PLCB3: variants seen among roughly 807,000 people sequenced by gnomAD.
The protein encoded by PLCB3 is 1-phosphatidylinositol 4,5-bisphosphate phosphodiesterase beta-3.
PLCB3 carries 54 observed loss-of-function variants against 152.1 expected under a neutral mutation model. That is an observed-to-expected ratio of 0.36 (90% CI 0.29 to 0.45). The LOEUF is 0.45. Among genes scored for constraint, PLCB3 ranks in the 20% least tolerant of loss-of-function variants. The pLI is 1.00. For synonymous variants in PLCB3, 717 were observed against 698.7 expected, an observed-to-expected ratio of 1.03 and a Z score of -0.41; for missense variants, 1,248 against 1,687.5, an observed-to-expected ratio of 0.74 and a Z score of 4.56.
At position 64,251,623 on chromosome 11, in the gene PLCB3, G is replaced by A; in HGVS notation, c.-27G>A. ...CGTCGGTCCCCGTCAGGGCTCCGTG[G>A]GTCCCCGACCCGCCCCTGGCCGGGC... On this transcript the variant is annotated 5_prime_UTR_variant, in exon 1 of 31. Transcript: ENST00000279230. 2 of 1,322,854 alleles carry A rather than the reference G, an allele frequency of 1.5e-6. No homozygotes were observed. Among genetic ancestry groups the A allele is most frequent in the South Asian group, 1.6e-5 (1 of 62,544 alleles). The allele number at this position is 1,322,854 out of a possible 1,614,324, so 81.9% of individuals were successfully genotyped here. A position where few individuals can be genotyped will look rare whatever the true frequency, so the allele number is the denominator to read the frequency against.
intron 13 of PLCB3, 100 bp from the exon 14 acceptor site, chr11:64,259,929 C>T (rs1034277129): frequency 6.6e-5 from 64 of 963,484 alleles, no homozygotes; most frequent in Admixed American, 1.2e-4. Context: ...CCTTGAATTC[C>T]CCACTGAGTC....
At chr11:64,256,997 C>CTTTT (rs5792316) in intron 10 of PLCB3, among the ~76,000 whole-genome samples, 74 of 61,548 alleles carry the variant, frequency 1.2e-3, no homozygotes, top group East Asian at 2.6e-3. Context: ...CTTCAGGGTC[C>CTTTT]TTTTTTTTTT....
chr11:64,259,230 C>G lies in PLCB3; in HGVS notation c.1511C>G (p.Ser504Cys), dbSNP rs1301978846. 1.3e-6 allele frequency: 2 copies of G among 1,543,558 alleles called. No homozygotes were observed. The change falls in exon 13 of 31, where the codon TCC becomes TGC. Residue 504 changes from serine (S) to cysteine (C), a missense_variant. Around this residue, in one of 6 missense-constraint regions of PLCB3, gnomAD observed 105 missense variants for 100.9 expected, o/e 1.04. Transcript: ENST00000279230. ...LSESSAATEP[S>C]SPQLGSPSSD... ...GAGAGCTCCGCGGCCACCGAGCCCTCCTCCCCGCAGCTGGGTAGGCCCCAG... is the reference window on the plus strand; with the variant it reads ...GAGAGCTCCGCGGCCACCGAGCCCTGCTCCCCGCAGCTGGGTAGGCCCCAG...
rs148059922 is a variant in PLCB3 at position 64,265,919 on chromosome 11, G to T, written c.3069G>T (p.Glu1023Asp). The change falls in exon 26 of 31, where the codon GAG (glutamate) becomes GAT (aspartate). Residue 1023 changes from glutamate to aspartate, a missense_variant. Physicochemically the swap from Glu to Asp is conservative, Grantham distance 45. Transcript: ENST00000279230. ...GGAADVEDTK[E>D]GEDEAKRYQE... Reference sequence around the variant, plus strand: ...CCGCTGATGTGGAGGACACGAAGGAGGGGGAGGACGAGGCAAAGCGGTATC... The same window carrying T: ...CCGCTGATGTGGAGGACACGAAGGATGGGGAGGACGAGGCAAAGCGGTATC... 1 of 1,613,428 alleles carries T rather than the reference G, an allele frequency of 6.2e-7. No homozygotes were observed. Among genetic ancestry groups the T allele is most frequent in the East Asian group, 2.2e-5 (1 of 44,870 alleles).
At position 64,267,502 on chromosome 11, in the gene PLCB3, C is replaced by G; in HGVS notation, c.3651C>G (p.Ser1217Arg). Residue 1217 changes from serine to arginine, a missense_variant, in exon 31 of 31, where the codon AGC becomes AGG. Physicochemically the swap from Ser to Arg is moderately radical, Grantham distance 110. Coordinates refer to ENST00000279230, the MANE Select transcript of PLCB3 (RefSeq NM_000932.5). This position sits in a 1 kb window ranked among gnomAD's most constrained non-coding sequence, Gnocchi z 5.2. ...GCAACGGTCACGCACCCGGGAGCAG[C>G]GGGCACCTGTCGGGCGCTGACTCGG... The part of the protein sequence containing the change: ...CASNGHAPGS[S>R]GHLSGADSES... The G allele has an allele frequency of 6.4e-7, 1 of 1,570,292 alleles. No homozygotes were observed. Among genetic ancestry groups the G allele is most frequent in the Non-Finnish European group, 8.6e-7 (1 of 1,162,198 alleles).
At chr11:64,257,038 C>G (rs905976897) in intron 10 of PLCB3, among the ~76,000 whole-genome samples, 3 of 89,618 alleles carry the variant, frequency 3.3e-5, no homozygotes, top group African/African-American at 1.2e-4. Flanking sequence ...GAGTTTCGCT[C>G]TTGTTGCCCA....
At chr11:64,259,942 C>T (rs764252696) in intron 13 of PLCB3, 87 bp from the exon 14 acceptor site, 55 of 1,128,354 alleles carry the variant, frequency 4.9e-5, no homozygotes, top group Non-Finnish European at 6.8e-5. Context: ...ACTGAGTCAC[C>T]TCGGCACACA....
downstream of PLCB3, among the ~76,000 whole-genome samples, chr11:64,269,401 C>G (rs1223103264): frequency 6.6e-6 from 1 of 152,252 alleles, no homozygotes; most frequent in Non-Finnish European, 1.5e-5. Context: ...GGAACGGAGC[C>G]CCCGCTCTGT....
Position 64,255,063 on chromosome 11 carries a change from G to A in PLCB3, c.387+25G>A. 6.4e-7 allele frequency: 1 copy of A among 1,574,452 alleles called. No homozygotes were observed. Among genetic ancestry groups the A allele is most frequent in the Non-Finnish European group, 8.6e-7 (1 of 1,157,090 alleles). On this transcript the variant is annotated intron_variant, in intron 4 of 30. Coordinates refer to ENST00000279230, the MANE Select transcript of PLCB3 (RefSeq NM_000932.5). This position sits in a 1 kb window ranked among gnomAD's most constrained non-coding sequence, Gnocchi z 6.8. Reference sequence around the variant, plus strand: ...GGTGGGCTGGCACCAAGGGGACGAAGGGGGAGTCACTGTCTTATTCTGTGA... The same window carrying A: ...GGTGGGCTGGCACCAAGGGGACGAAAGGGGAGTCACTGTCTTATTCTGTGA...
intron 13 of PLCB3, 84 bp from the exon 14 acceptor site, chr11:64,259,945 G>A (rs1035233283): frequency 4.9e-5 from 57 of 1,151,748 alleles, no homozygotes; most frequent in Admixed American, 1.1e-4. Flanking sequence ...GAGTCACCTC[G>A]GCACACACTG....
Position 64,267,290 on chromosome 11 carries a change from AG to A in PLCB3, c.3501+21del. On this transcript the variant is annotated intron_variant, in intron 30 of 30. Coordinates refer to ENST00000279230, the MANE Select transcript of PLCB3 (RefSeq NM_000932.5). This position sits in a 1 kb window ranked among gnomAD's most constrained non-coding sequence, Gnocchi z 5.2. Reference sequence around the variant, plus strand: ...GCCCAAGGTGAGGCCATGGGCGAACAGGTGGGCAGACGGGGTGCAAGGCAGC... The same window carrying A: ...GCCCAAGGTGAGGCCATGGGCGAACAGTGGGCAGACGGGGTGCAAGGCAGC... The A allele has an allele frequency of 1.9e-6, 3 of 1,550,844 alleles. No individual in the cohort carries two copies. The highest frequency in any genetic ancestry group is 1.7e-6 in the Non-Finnish European group (2 of 1,146,816).
At chr11:64,263,059 G>A (rs561049138) in intron 19 of PLCB3, among the ~76,000 whole-genome samples, 1 of 152,336 alleles carries the variant, frequency 6.6e-6, no homozygotes, top group South Asian at 2.1e-4. Context: ...TCCCCTGCGA[G>A]GAGTGGACAC....
At chr11:64,256,834 G>A in intron 10 of PLCB3, 70 bp downstream of exon 10, 2 of 1,524,606 alleles carry the variant, frequency 1.3e-6, no homozygotes, top group Non-Finnish European at 1.8e-6. Flanking sequence ...ACTCCTCCTG[G>A]GGCACAGTCC....
chr11:64,256,435 A>G lies in PLCB3; in HGVS notation c.758A>G (p.Lys253Arg), dbSNP rs755565949. 6.6e-5 allele frequency: 106 copies of G among 1,613,624 alleles called. No homozygotes were observed. Among genetic ancestry groups the G allele is most frequent in the Non-Finnish European group, 8.8e-5 (104 of 1,180,008 alleles). ...CAGCTCATGGACTTCATCAACCAGA[A>G]GCAACGCGACCCGAGACTCAACGAA... Reference protein sequence around the residue: ...LEQLMDFINQKQRDPRLNEVL... With the variant: ...LEQLMDFINQRQRDPRLNEVL... The change falls in exon 9 of 31, where the codon AAG becomes AGG. Residue 253 changes from lysine (K) to arginine (R), a missense_variant. By Grantham distance (26) the Lys-to-Arg change is conservative. Coordinates refer to ENST00000279230, the MANE Select transcript of PLCB3 (RefSeq NM_000932.5).
In PLCB3 at chr11:64,256,633, A is replaced by AAT; in HGVS notation, c.881_882insAT (p.Gly295TrpfsTer22). Reference sequence around the variant, plus strand: ...CCCACCCCAGACCAGATGTCCATGGAGGGCTTTAGCCGCTACCTGGGAGGC... The same window carrying AAT: ...CCCACCCCAGACCAGATGTCCATGGAATGGGCTTTAGCCGCTACCTGGGAGGC... On this transcript the variant is annotated frameshift_variant, in exon 10 of 31. Transcript: ENST00000279230. LOFTEE classifies it high-confidence loss of function. The AAT allele has an allele frequency of 6.2e-7, 1 of 1,614,106 alleles. No individual in the cohort carries two copies. The highest frequency in any genetic ancestry group is 8.5e-7 in the Non-Finnish European group (1 of 1,180,000).
rs568976556 is a variant in PLCB3 at position 64,255,114 on chromosome 11, G to C, written c.387+76G>C. On this transcript the variant is annotated intron_variant, in intron 4 of 30. Coordinates refer to ENST00000279230, the MANE Select transcript of PLCB3 (RefSeq NM_000932.5). The surrounding 1 kb of genome is among the most constrained non-coding windows in gnomAD (Gnocchi z 6.8). Reference sequence around the variant, plus strand: ...GTCGGCCGTCACTTACCGAACACCTGCTGTGTTCTAGGCTGCTCTGTGACC... The same window carrying C: ...GTCGGCCGTCACTTACCGAACACCTCCTGTGTTCTAGGCTGCTCTGTGACC... 2 of 1,536,382 alleles carry C rather than the reference G, an allele frequency of 1.3e-6. No homozygotes were observed. The highest frequency in any genetic ancestry group is 1.8e-6 in the Non-Finnish European group (2 of 1,112,660).
rs769667107 is a variant in PLCB3 at position 64,251,666 on chromosome 11, C to T, written c.17C>T (p.Pro6Leu). The change falls in exon 1 of 31, where the codon CCC (proline) becomes CTC (leucine). Residue 6 changes from proline to leucine, a missense_variant. Physicochemically the swap from Pro to Leu is moderately conservative, Grantham distance 98. Transcript: ENST00000279230. Reference sequence around the variant, plus strand: ...GGCCGGGCCATGGCGGGCGCCCAGCCCGGCGTCCACGCGCTGCAGTTGGAG... The same window carrying T: ...GGCCGGGCCATGGCGGGCGCCCAGCTCGGCGTCCACGCGCTGCAGTTGGAG... MAGAQ[P>L]GVHALQLEPP... 9 of 1,472,948 alleles carry T rather than the reference C, an allele frequency of 6.1e-6. No individual in the cohort carries two copies. Among genetic ancestry groups the T allele is most frequent in the African/African-American group, 1.5e-5 (1 of 68,188 alleles). The allele number at this position is 1,472,948 out of a possible 1,614,324, so 91.2% of individuals were successfully genotyped here.
Position 64,260,245 on chromosome 11 carries a change from C to T in PLCB3, c.1731+11C>T. The T allele has an allele frequency of 1.3e-6, 2 of 1,544,720 alleles. No homozygotes were observed. The highest frequency in any genetic ancestry group is 2.4e-5 in the East Asian group (1 of 41,240). On this transcript the variant is annotated intron_variant, in intron 14 of 30. Coordinates refer to ENST00000279230, the MANE Select transcript of PLCB3 (RefSeq NM_000932.5). The stretch of plus-strand genomic sequence containing the variant: ...CCAACTACAGATGAGGTCAGGCCCA[C>T]AGGGTGGGCAGGTCGGGGAGGTAGC...
intron 25 of PLCB3, 36 bp from the exon 26 acceptor site, chr11:64,265,850 G>A (rs757061316): frequency 5.6e-6 from 9 of 1,603,826 alleles, no homozygotes; most frequent in East Asian, 2.2e-5. Flanking sequence ...TCCATGTGAC[G>A]GGCCCAGGCA....
Sources: gnomAD v4.1 joint callset for allele counts (sites outside exome capture counted in the v4.1 genomes callset) on GRCh38, gnomAD v4.1.1 for gene constraint, gnomAD v4.1.1 regional missense constraint, Gnocchi (gnomAD v3.1) non-coding constraint, MANE v1.5 for transcripts, NCBI Gene and HGNC (gene_info 2026-07-23, HGNC 2026-07-21) for gene names.